The following ACTN4 variants were observed in gnomAD, a reference collection of about 807,000 sequenced individuals.
ACTN4 encodes the protein alpha-actinin-4.
A neutral mutation model predicts 114.2 loss-of-function variants in ACTN4; 18 were observed. That is an observed-to-expected ratio of 0.16 (90% CI 0.11 to 0.23). The LOEUF (loss-of-function observed/expected upper bound fraction) is 0.23, where lower values mean the gene tolerates loss of function less well. Among genes scored for constraint, ACTN4 ranks in the 10% least tolerant of loss-of-function variants. ACTN4 has a pLI of 1.00. For missense variants in ACTN4, 722 were observed against 1,262.9 expected (o/e 0.57, Z 6.49); for synonymous variants, 515 against 506.3 (o/e 1.02, Z -0.23).
intron 1 of ACTN4, among the ~76,000 whole-genome samples, chr19:38,688,220 C>T (rs1331659683): frequency 6.6e-6 from 1 of 151,828 alleles, no homozygotes; most frequent in African/African-American, 2.4e-5. Context: ...CCAGCCTGGG[C>T]ATCATAGTGA....
intron 1 of ACTN4, among the ~76,000 whole-genome samples, chr19:38,686,193 G>T (rs769289108): frequency 1.3e-5 from 2 of 152,154 alleles, no homozygotes; most frequent in Non-Finnish European, 2.9e-5. Context: ...AAATGCCAAA[G>T]GCCTCTTGTC....
chr19:38,724,705 A>G lies in ACTN4; in HGVS notation c.2010+140A>G. 15 of 1,418,248 alleles carry G rather than the reference A, an allele frequency of 1.1e-5. No individual in the cohort carries two copies. In the South Asian group the frequency reaches 1.8e-4, roughly 17 times the overall value. 87.9% of individuals were successfully genotyped at this position (1,418,248 alleles called of 1,614,324 possible). On this transcript the variant is annotated intron_variant, in intron 16 of 20. Transcript: ENST00000252699. This position sits in a 1 kb window ranked among gnomAD's most constrained non-coding sequence, Gnocchi z 7.0. ...CAATTCTCACCACCCAGGGGCCGTG[A>G]TCACCCTGCGGGGTTAGGAGAGTCC... is the stretch of plus-strand genomic sequence containing the variant.
intron 1 of ACTN4, among the ~76,000 whole-genome samples, chr19:38,694,855 AC>A: frequency 6.6e-6 from 1 of 151,768 alleles, no homozygotes; most frequent in South Asian, 2.1e-4. Flanking sequence ...TGCCCCCCGC[AC>A]CCCCGTGCTG....
chr19:38,680,464 A>G (rs62121819), intron 1 of ACTN4, among the ~76,000 whole-genome samples: 11,268 of 152,120 alleles, frequency 0.074, 463 homozygotes, highest in South Asian at 0.12. Context: ...ACAGACAGGC[A>G]TGAGCCACTG....
intron 11 of ACTN4, among the ~76,000 whole-genome samples, chr19:38,720,445 AGGCCGCCTTGT>A (rs932313404): frequency 6.6e-5 from 10 of 152,182 alleles, no homozygotes; most frequent in Non-Finnish European, 1.3e-4. Context: ...GGGAATTGCA[AGGCCGCCTTGT>A]GGCTGAGCCT....
chr19:38,672,519 G>T (rs1348241654), intron 1 of ACTN4, among the ~76,000 whole-genome samples: 1 of 151,932 alleles, frequency 6.6e-6, no homozygotes, highest in Non-Finnish European at 1.5e-5. Flanking sequence ...GGGATTACAG[G>T]TGTGAGCTAC....
chr19:38,654,269 G>T (rs1346605315), intron 1 of ACTN4, among the ~76,000 whole-genome samples: 2 of 152,154 alleles, frequency 1.3e-5, no homozygotes, highest in African/African-American at 4.8e-5. Flanking sequence ...GCCTCCTCCA[G>T]AAAGTGAAAT....
chr19:38,702,146 ATT>A (rs1168416702), intron 3 of ACTN4, among the ~76,000 whole-genome samples: 1 of 152,108 alleles, frequency 6.6e-6, no homozygotes, highest in Non-Finnish European at 1.5e-5. Context: ...AGCTGCATTT[ATT>A]TTGCTCAAAT....
intron 1 of ACTN4, among the ~76,000 whole-genome samples, chr19:38,699,218 G>C (rs1030600021): frequency 3.9e-5 from 6 of 152,210 alleles, no homozygotes; most frequent in African/African-American, 1.4e-4. Context: ...GCCCCAGCTT[G>C]CAGGGGGCTG....
intron 1 of ACTN4, among the ~76,000 whole-genome samples, chr19:38,698,916 C>T (rs936325398): frequency 6.6e-6 from 1 of 152,208 alleles, no homozygotes; most frequent in East Asian, 1.9e-4. Context: ...GTTGTCAAAA[C>T]ACATGGTGCT....
intron 8 of ACTN4, among the ~76,000 whole-genome samples, chr19:38,712,020 C>T (rs1335345767): frequency 6.6e-6 from 1 of 152,186 alleles, no homozygotes; most frequent in South Asian, 2.1e-4. Context: ...GCAGCATTCC[C>T]GATGCCTGCT....
chr19:38,692,098 A>T (rs185396176), intron 1 of ACTN4, among the ~76,000 whole-genome samples: 1 of 152,200 alleles, frequency 6.6e-6, no homozygotes, highest in African/African-American at 2.4e-5. Flanking sequence ...CTCTTCTCCA[A>T]CTGCGAAGTC....
chr19:38,731,212 T>G lies in ACTN4; in HGVS notation c.*1780T>G, dbSNP rs1481269706. 6.2e-7 allele frequency: 1 copy of G among 1,612,644 alleles called. No homozygotes were observed. The highest frequency in any genetic ancestry group is 8.5e-7 in the Non-Finnish European group (1 of 1,179,970). On this transcript the variant is annotated 3_prime_UTR_variant, in exon 21 of 21. Coordinates refer to ENST00000252699, the MANE Select transcript of ACTN4 (RefSeq NM_004924.6). Reference sequence around the variant, plus strand: ...GTGAGGGTCTGGGTCAGCTGGTTGTTCAGGTGGAAGCCTAGGGGGAGGCTG... The same window carrying G: ...GTGAGGGTCTGGGTCAGCTGGTTGTGCAGGTGGAAGCCTAGGGGGAGGCTG...
At chr19:38,712,980 C>T (rs1195510460) in intron 8 of ACTN4, among the ~76,000 whole-genome samples, 2 of 152,062 alleles carry the variant, frequency 1.3e-5, no homozygotes, top group Admixed American at 6.5e-5. Context: ...AGTGGAGGCC[C>T]GGCTGCAGGG....
intron 1 of ACTN4, among the ~76,000 whole-genome samples, chr19:38,655,190 G>A (rs913414862): frequency 6.6e-6 from 1 of 152,136 alleles, no homozygotes; most frequent in Middle Eastern, 3.2e-3. Flanking sequence ...TATGGCAACT[G>A]GAAAACCCAG....
At chr19:38,704,905 C>G in intron 3 of ACTN4, 29 bp from the exon 4 acceptor site, 1 of 1,605,982 alleles carries the variant, frequency 6.2e-7, no homozygotes, top group African/African-American at 1.3e-5. Context: ...TAACGACCTT[C>G]TGCCCTCTGC....
intron 1 of ACTN4, among the ~76,000 whole-genome samples, chr19:38,696,489 G>C (rs1968096925): frequency 6.6e-6 from 1 of 152,148 alleles, no homozygotes; most frequent in Admixed American, 6.5e-5. Flanking sequence ...GGGAGAGGAA[G>C]GATGGAAGCA....
intron 1 of ACTN4, among the ~76,000 whole-genome samples, chr19:38,674,012 C>T (rs545726384): frequency 6.6e-6 from 1 of 151,648 alleles, no homozygotes; most frequent in East Asian, 1.9e-4. Context: ...GAACTCCTGA[C>T]CTTGTGATCT....
intron 1 of ACTN4, 98 bp from the exon 2 acceptor site, chr19:38,700,502 G>T: frequency 1.0e-6 from 1 of 968,078 alleles, no homozygotes; most frequent in Non-Finnish European, 1.7e-6. Flanking sequence ...TGGCAGCTGC[G>T]GTTCTCCTGA....
Sources: gnomAD v4.1 joint callset for allele counts (sites outside exome capture counted in the v4.1 genomes callset) on GRCh38, gnomAD v4.1.1 for gene constraint, Gnocchi (gnomAD v3.1) non-coding constraint, MANE v1.5 for transcripts, NCBI Gene and HGNC (gene_info 2026-07-23, HGNC 2026-07-21) for gene names.